Variants in MIPOL1 observed in about 807,000 individuals in gnomAD.
MIPOL1 encodes mirror-image polydactyly gene 1 protein.
MIPOL1 carries 57 observed loss-of-function variants against 60.9 expected under a neutral mutation model. The observed-to-expected ratio is 0.94, with a 90% CI of 0.76 to 1.17. The LOEUF (loss-of-function observed/expected upper bound fraction) is 1.17. MIPOL1 is among the 50% of genes most tolerant of loss of function. The pLI is 0.00. For synonymous variants in MIPOL1, 179 were observed against 168.8 expected (o/e 1.06, Z -0.47); for missense variants, 551 against 511.6 (o/e 1.08, Z -0.74).
intron 9 of MIPOL1, among the ~76,000 whole-genome samples, chr14:37,359,657 T>G (rs1377147175): frequency 6.6e-6 from 1 of 152,162 alleles, no homozygotes; most frequent in Non-Finnish European, 1.5e-5. Flanking sequence ...GGAATACTTT[T>G]GATTTTTGCA....
intron 6 of MIPOL1, among the ~76,000 whole-genome samples, chr14:37,275,705 GTTATT>G (rs1021764791): frequency 6.6e-6 from 1 of 150,872 alleles, no homozygotes; most frequent in Non-Finnish European, 1.5e-5. Flanking sequence ...TGTTTTATAT[GTTATT>G]TTGTGATATT....
chr14:37,265,516 G>A (rs1309822237), intron 3 of MIPOL1, among the ~76,000 whole-genome samples: 1 of 152,122 alleles, frequency 6.6e-6, no homozygotes, highest in African/African-American at 2.4e-5. Flanking sequence ...AAATAAATTA[G>A]AAGAGTCAAA....
intron 10 of MIPOL1, among the ~76,000 whole-genome samples, chr14:37,380,484 A>G (rs1595499629): frequency 6.6e-6 from 1 of 152,114 alleles, no homozygotes; most frequent in East Asian, 1.9e-4. Context: ...ATTATAGCCT[A>G]TGCAGGTTCA....
chr14:37,274,644 G>A (rs955445804), intron 6 of MIPOL1, among the ~76,000 whole-genome samples: 4 of 151,262 alleles, frequency 2.6e-5, no homozygotes, highest in East Asian at 1.9e-4. Context: ...GGTTAAATGC[G>A]CAGACTTGGG....
intron 12 of MIPOL1, chr14:37,503,921 G>A (rs1256659757): frequency 1.3e-5 from 2 of 152,054 alleles, no homozygotes; most frequent in East Asian, 3.9e-4. Flanking sequence ...GATCTACCAA[G>A]CAAATGGAAA....
chr14:37,360,102 GT>G (rs1250414429), intron 9 of MIPOL1, among the ~76,000 whole-genome samples: 1 of 152,098 alleles, frequency 6.6e-6, no homozygotes, highest in Non-Finnish European at 1.5e-5. Flanking sequence ...CATTGGTTCT[GT>G]TTATGTGATG....
rs939844226 is a variant in MIPOL1, at chr14:37,547,444, A to G, written c.*473A>G. 1 of 154,030 alleles carries G rather than the reference A, an allele frequency of 6.5e-6. No homozygotes were observed. The highest frequency in any genetic ancestry group is 1.4e-5 in the Non-Finnish European group (1 of 69,012). 9.5% of individuals were successfully genotyped at this position (154,030 alleles called of 1,614,324 possible). On this transcript the variant is annotated 3_prime_UTR_variant, in exon 13 of 13. Transcript: ENST00000684589. ...GGGTATATTTCTTAACTGATGAGAGAGGCTTAGACATGAGTGTGTAGTCTT... is the reference window on the plus strand; with the variant it reads ...GGGTATATTTCTTAACTGATGAGAGGGGCTTAGACATGAGTGTGTAGTCTT...
intron 3 of MIPOL1, among the ~76,000 whole-genome samples, chr14:37,251,935 T>C (rs912791111): frequency 1.3e-5 from 2 of 151,890 alleles, no homozygotes; most frequent in African/African-American, 4.8e-5. Flanking sequence ...GTGAAACTTA[T>C]TTAAATTTAG....
intron 5 of MIPOL1, among the ~76,000 whole-genome samples, chr14:37,270,066 T>C (rs2083177976): frequency 6.6e-6 from 1 of 152,080 alleles, no homozygotes; most frequent in African/African-American, 2.4e-5. Context: ...TGACCTCAGG[T>C]GATCTGCCCA....
At chr14:37,435,753 A>G (rs1014374619) in intron 11 of MIPOL1, among the ~76,000 whole-genome samples, 1 of 152,118 alleles carries the variant, frequency 6.6e-6, no homozygotes, top group East Asian at 1.9e-4. Context: ...TCATACCCTA[A>G]TAAAGTGTTT....
At chr14:37,228,713 T>TA (rs1970164128) in intron 1 of MIPOL1, among the ~76,000 whole-genome samples, 1 of 152,196 alleles carries the variant, frequency 6.6e-6, no homozygotes, top group Non-Finnish European at 1.5e-5. Flanking sequence ...AAACAATAAT[T>TA]AAAAAATCAA....
intron 12 of MIPOL1, among the ~76,000 whole-genome samples, chr14:37,521,914 T>TA (rs1566767580): frequency 8.0e-6 from 1 of 125,204 alleles, no homozygotes; most frequent in African/African-American, 2.8e-5. Context: ...ATATATATTT[T>TA]TTTTTTCTTT....
intron 9 of MIPOL1, among the ~76,000 whole-genome samples, chr14:37,312,887 C>G (rs2087481320): frequency 6.6e-6 from 1 of 152,086 alleles, no homozygotes; most frequent in Non-Finnish European, 1.5e-5. Flanking sequence ...ACTTCCATTT[C>G]TTCACTATTC....
chr14:37,258,997 A>G (rs1975433253), intron 3 of MIPOL1, among the ~76,000 whole-genome samples: 1 of 152,134 alleles, frequency 6.6e-6, no homozygotes, highest in Non-Finnish European at 1.5e-5. Flanking sequence ...TGTTGTATCT[A>G]AGGTAAAATA....
At chr14:37,315,111 T>C (rs2087735060) in intron 9 of MIPOL1, among the ~76,000 whole-genome samples, 1 of 152,236 alleles carries the variant, frequency 6.6e-6, no homozygotes, top group Non-Finnish European at 1.5e-5. Flanking sequence ...TCACTTTAAA[T>C]AGGGTGATCA....
intron 11 of MIPOL1, among the ~76,000 whole-genome samples, chr14:37,442,286 T>C (rs151148209): frequency 7.2e-4 from 110 of 152,284 alleles, no homozygotes; most frequent in African/African-American, 2.5e-3. Context: ...GTCTTTAGGG[T>C]ATTTTAGGTA....
chr14:37,259,426 G>A (rs997459510), intron 3 of MIPOL1, among the ~76,000 whole-genome samples: 2 of 151,930 alleles, frequency 1.3e-5, no homozygotes, highest in South Asian at 4.1e-4. Flanking sequence ...AATTAGCCAG[G>A]TGTGGTGGTA....
chr14:37,319,029 C>T (rs1240768406), intron 9 of MIPOL1, among the ~76,000 whole-genome samples: 3 of 151,862 alleles, frequency 2.0e-5, no homozygotes, highest in Non-Finnish European at 2.9e-5. Context: ...TTTGTAGAGA[C>T]GGGGTTTCAC....
chr14:37,348,828 GTTTTTTTTT>G (rs10712008), intron 9 of MIPOL1, among the ~76,000 whole-genome samples: 1 of 113,076 alleles, frequency 8.8e-6, no homozygotes, highest in Non-Finnish European at 1.8e-5. Flanking sequence ...TCCTTTTTTT[GTTTTTTTTT>G]TTTTTTTTTG....
Sources: gnomAD v4.1 joint callset for allele counts (sites outside exome capture counted in the v4.1 genomes callset) on GRCh38, gnomAD v4.1.1 for gene constraint, MANE v1.5 for transcripts, NCBI Gene and HGNC (gene_info 2026-07-23, HGNC 2026-07-21) for gene names.